PPARGC1A: variants seen among roughly 807,000 people sequenced by gnomAD.
The protein encoded by PPARGC1A is PPARG coactivator 1 alpha, also known as peroxisome proliferator-activated receptor gamma coactivator 1-alpha.
A neutral mutation model predicts 88.7 loss-of-function variants in PPARGC1A; 25 were observed. The observed-to-expected ratio is 0.28, with a 90% CI of 0.21 to 0.39. The LOEUF (loss-of-function observed/expected upper bound fraction) is 0.39. Ranked by LOEUF, PPARGC1A falls within the 10% of genes least tolerant of loss-of-function variation. The pLI is 1.00. For synonymous variants in PPARGC1A, 363 were observed against 355.6 expected, an observed-to-expected ratio of 1.02 and a Z score of -0.24; for missense variants, 880 against 968.7, an observed-to-expected ratio of 0.91 and a Z score of 1.22.
chr4:24,319,344 C>A, the PPARGC1A span, among the ~76,000 whole-genome samples: 1 of 152,154 alleles, frequency 6.6e-6, no homozygotes, highest in East Asian at 1.9e-4. Context: ...GAGACCCTAC[C>A]TCAAAAAATA....
chr4:24,116,318 C>A, the PPARGC1A span, among the ~76,000 whole-genome samples: 1 of 152,284 alleles, frequency 6.6e-6, no homozygotes, highest in African/African-American at 2.4e-5. Flanking sequence ...TACCCTTACA[C>A]AGGCTGATAA....
chr4:23,868,726 C>T (rs572143099), intron 2 of PPARGC1A, among the ~76,000 whole-genome samples: 115 of 152,308 alleles, frequency 7.6e-4, no homozygotes, highest in African/African-American at 2.6e-3. Flanking sequence ...TCCTAAATTT[C>T]GGGACTTAAT....
At chr4:23,815,610 G>A (rs904571771) in intron 7 of PPARGC1A, among the ~76,000 whole-genome samples, 1 of 152,122 alleles carries the variant, frequency 6.6e-6, no homozygotes, top group Non-Finnish European at 1.5e-5. Context: ...AGTCCGTGAA[G>A]CGTAGTAGTT....
intron 10 of PPARGC1A, among the ~76,000 whole-genome samples, chr4:23,805,499 G>A (rs1053602958): frequency 6.6e-6 from 1 of 152,158 alleles, no homozygotes; most frequent in Non-Finnish European, 1.5e-5. Context: ...TAGATTGTAT[G>A]TCTCAATTGA....
At chr4:24,017,783 T>C in the PPARGC1A span, among the ~76,000 whole-genome samples, 1 of 152,210 alleles carries the variant, frequency 6.6e-6, no homozygotes, top group Non-Finnish European at 1.5e-5. Flanking sequence ...TTATTATTCC[T>C]AGGATTAAAT....
chr4:23,949,605 A>T, the PPARGC1A span, among the ~76,000 whole-genome samples: 1 of 152,062 alleles, frequency 6.6e-6, no homozygotes, highest in Admixed American at 6.6e-5. Flanking sequence ...CAGTAAATAA[A>T]CTCCCAACCA....
upstream of PPARGC1A, among the ~76,000 whole-genome samples, chr4:23,907,393 C>T (rs1048743394): frequency 6.6e-6 from 1 of 152,130 alleles, no homozygotes; most frequent in Middle Eastern, 3.2e-3. Flanking sequence ...CACCCTTTCT[C>T]GATTTGCAAA....
chr4:24,228,697 A>C, the PPARGC1A span, among the ~76,000 whole-genome samples: 1 of 152,186 alleles, frequency 6.6e-6, no homozygotes, highest in Non-Finnish European at 1.5e-5. Flanking sequence ...TAAAGGTAGG[A>C]CCCCTCAGAA....
At chr4:24,171,861 T>C in the PPARGC1A span, among the ~76,000 whole-genome samples, 1 of 152,232 alleles carries the variant, frequency 6.6e-6, no homozygotes. Flanking sequence ...GTGACAATCA[T>C]GTCATGGGTT....
At chr4:24,378,587 G>T in the PPARGC1A span, among the ~76,000 whole-genome samples, 1 of 152,030 alleles carries the variant, frequency 6.6e-6, no homozygotes, top group Non-Finnish European at 1.5e-5. Context: ...AATGAATCCT[G>T]GATTACTAGT....
the PPARGC1A span, among the ~76,000 whole-genome samples, chr4:23,991,893 T>A: frequency 5.9e-4 from 89 of 151,914 alleles, 3 homozygotes; most frequent in Non-Finnish European, 2.1e-4. Flanking sequence ...TAGCAAGAAA[T>A]CTTAGCTGAG....
At chr4:23,889,225 A>G (rs1398471193) in intron 1 of PPARGC1A, 1 of 985,412 alleles carries the variant, frequency 1.0e-6, no homozygotes. Context: ...TCTCCGTGGT[A>G]CAGGAAGATT....
the PPARGC1A span, among the ~76,000 whole-genome samples, chr4:24,469,237 C>A: frequency 1.3e-5 from 2 of 152,198 alleles, no homozygotes; most frequent in Admixed American, 1.3e-4. Context: ...TTGTTGTATT[C>A]TTTTTCTTCT....
At chr4:24,278,596 G>A in the PPARGC1A span, among the ~76,000 whole-genome samples, 59 of 152,164 alleles carry the variant, frequency 3.9e-4, no homozygotes, top group African/African-American at 1.2e-3. Flanking sequence ...AGTCCCTTCT[G>A]TTTTTCATGA....
At chr4:23,810,343 C>T (rs1395225149) in intron 10 of PPARGC1A, among the ~76,000 whole-genome samples, 2 of 138,364 alleles carry the variant, frequency 1.4e-5, no homozygotes, top group African/African-American at 5.5e-5. Context: ...ATTACAAGTG[C>T]TCTTTGGAAG....
the PPARGC1A span, among the ~76,000 whole-genome samples, chr4:24,126,302 C>CAG: frequency 1.9e-3 from 292 of 150,396 alleles, no homozygotes; most frequent in East Asian, 8.3e-3. Flanking sequence ...CACACACACA[C>CAG]AGTCATTTTT....
the PPARGC1A span, among the ~76,000 whole-genome samples, chr4:24,337,412 A>G: frequency 2.0e-5 from 3 of 152,234 alleles, no homozygotes; most frequent in South Asian, 6.2e-4. Context: ...TGAATAGAAC[A>G]TTATCCCTAA....
chr4:24,199,393 G>A, the PPARGC1A span, among the ~76,000 whole-genome samples: 20 of 152,180 alleles, frequency 1.3e-4, no homozygotes, highest in Middle Eastern at 3.4e-3. Flanking sequence ...ATAATAATAC[G>A]TGATAAGTGC....
chr4:23,838,195 A>AT (rs1036800499), intron 2 of PPARGC1A, among the ~76,000 whole-genome samples: 3 of 151,994 alleles, frequency 2.0e-5, no homozygotes, highest in South Asian at 2.1e-4. Context: ...CAAACAATTG[A>AT]TTTTTTTTCC....
Sources: gnomAD v4.1 joint callset for allele counts (sites outside exome capture counted in the v4.1 genomes callset) on GRCh38, gnomAD v4.1.1 for gene constraint, MANE v1.5 for transcripts, NCBI Gene and HGNC (gene_info 2026-07-23, HGNC 2026-07-21) for gene names.